The following PIP4K2B variants were observed in gnomAD, a reference collection of about 807,000 sequenced individuals.
The protein encoded by PIP4K2B is phosphatidylinositol 5-phosphate 4-kinase type-2 beta.
PIP4K2B carries 3 observed loss-of-function variants against 42.0 expected under a neutral mutation model. The observed-to-expected ratio is 0.07, with a 90% CI of 0.03 to 0.18. The LOEUF (loss-of-function observed/expected upper bound fraction) is 0.18, where lower values mean the gene tolerates loss of function less well. Ranked by LOEUF, PIP4K2B falls within the 10% of genes least tolerant of loss-of-function variation. The pLI, the probability that PIP4K2B is intolerant of heterozygous loss-of-function variation, is 1.00. For synonymous variants in PIP4K2B, 204 were observed against 210.1 expected (o/e 0.97, Z 0.25); for missense variants, 332 against 562.3 (o/e 0.59, Z 4.14).
Position 38,780,443 on chromosome 17 carries a change from T to TCCATAGCCCATA in PIP4K2B, c.507+8_507+9insTATGGGCTATGG. 6.2e-7 allele frequency: 1 copy of TCCATAGCCCATA among 1,602,932 alleles called. No homozygotes were observed. ...ATCCTCTGCAGCCCAGGCTTGGGAC[T>TCCATAGCCCATA]CACCATACCTGGTGGTATTTCTTTA... On this transcript the variant is annotated intron_variant, in intron 4 of 9. Transcript: ENST00000619039.
Position 38,799,096 on chromosome 17 carries a change from G to A in PIP4K2B, c.159+170C>T, listed in dbSNP as rs568030534. On this transcript the variant is annotated intron_variant, in intron 1 of 9. Transcript: ENST00000619039. This position sits in a 1 kb window ranked among gnomAD's most constrained non-coding sequence, Gnocchi z 4.4. ...AGACACCAGGCCTCGCGTGGCGTGC[G>A]GGGAGTGCACACGGGGCCGAAAGGC... Among the ~76,000 whole-genome samples the A allele has an allele frequency of 6.6e-6, 1 of 152,116 alleles. No individual in the cohort carries two copies. The highest frequency in any genetic ancestry group is 1.5e-5 in the Non-Finnish European group (1 of 68,016).
intron 3 of PIP4K2B, among the ~76,000 whole-genome samples, chr17:38,783,052 G>A (rs954788237): frequency 5.9e-5 from 9 of 151,728 alleles, no homozygotes; most frequent in African/African-American, 1.7e-4. Context: ...AAAATTAGCC[G>A]GGTGTGGTGG....
intron 2 of PIP4K2B, 133 bp downstream of exon 2, chr17:38,786,690 C>A: frequency 1.4e-6 from 1 of 714,058 alleles, no homozygotes; most frequent in Non-Finnish European, 2.6e-6. Flanking sequence ...TTTGTCCGCT[C>A]TGAGATCCAG....
intron 1 of PIP4K2B, among the ~76,000 whole-genome samples, chr17:38,797,466 A>C (rs1466777023): frequency 6.6e-6 from 1 of 152,192 alleles, no homozygotes; most frequent in Admixed American, 6.5e-5. Context: ...AAAGAAAACA[A>C]GACCAGCCAC....
intron 7 of PIP4K2B, among the ~76,000 whole-genome samples, chr17:38,775,693 T>A (rs1036955409): frequency 1.3e-5 from 2 of 151,742 alleles, no homozygotes; most frequent in Non-Finnish European, 1.5e-5. Flanking sequence ...CCGTCTCCAC[T>A]AAAAAAATAC....
At chr17:38,773,421 T>C (rs986628098) in intron 7 of PIP4K2B, among the ~76,000 whole-genome samples, 1 of 152,144 alleles carries the variant, frequency 6.6e-6, no homozygotes, top group Non-Finnish European at 1.5e-5. Context: ...TGCCAAGCCT[T>C]AGTTTTCTCA....
intron 1 of PIP4K2B, among the ~76,000 whole-genome samples, chr17:38,798,696 T>C (rs921667124): frequency 6.6e-6 from 1 of 152,158 alleles, no homozygotes; most frequent in Non-Finnish European, 1.5e-5. Context: ...CAAGGAAGCC[T>C]GTGCTTCTCC....
intron 7 of PIP4K2B, among the ~76,000 whole-genome samples, chr17:38,772,651 G>T (rs1034130838): frequency 2.6e-5 from 4 of 152,074 alleles, no homozygotes; most frequent in African/African-American, 9.7e-5. Flanking sequence ...GTGCAATCTC[G>T]GCTCACTGCA....
intron 6 of PIP4K2B, 65 bp downstream of exon 6, chr17:38,778,269 G>A (rs1909480809): frequency 4.7e-6 from 7 of 1,478,706 alleles, no homozygotes; most frequent in Non-Finnish European, 6.6e-6. Flanking sequence ...CGAGGGACAG[G>A]ATGGCCGACA....
intron 1 of PIP4K2B, among the ~76,000 whole-genome samples, chr17:38,795,117 A>G (rs1328260696): frequency 1.5e-4 from 22 of 150,724 alleles, no homozygotes; most frequent in African/African-American, 4.6e-4. Context: ...AAAAAAAAAA[A>G]AAAAAAAGAA....
At position 38,780,572 on chromosome 17, in the gene PIP4K2B, A is replaced by T. The variant is rs781482052; in HGVS notation, c.387T>A (p.Ser129Arg). The T allele has an allele frequency of 1.2e-6, 2 of 1,613,404 alleles. No individual in the cohort carries two copies. The highest frequency in any genetic ancestry group is 2.2e-5 in the East Asian group (1 of 44,836). The change falls in exon 4 of 10, where the codon AGT becomes AGA. Residue 129 changes from serine to arginine, a missense_variant. Ser to Arg is a moderately radical substitution (Grantham distance 110). Around this residue, in one of 6 missense-constraint regions of PIP4K2B, gnomAD observed 186 missense variants for 288.4 expected, o/e 0.64. Transcript: ENST00000619039. ...NSVTRSAPIN[S>R]DSQGRCGTRF... ...GCGTGCCACACCGACCCTGGCTGTC[A>T]CTGTTGATGGGGGCGCTGCGCGTCA...
At chr17:38,783,937 T>A (rs559214038) in intron 3 of PIP4K2B, among the ~76,000 whole-genome samples, 130 of 152,044 alleles carry the variant, frequency 8.6e-4, no homozygotes, top group African/African-American at 2.9e-3. Context: ...ATGAGAAGGG[T>A]TCTTCAGCCT....
intron 1 of PIP4K2B, among the ~76,000 whole-genome samples, chr17:38,792,317 T>C (rs566345485): frequency 6.6e-6 from 1 of 152,212 alleles, no homozygotes; most frequent in Admixed American, 6.5e-5. Flanking sequence ...CAGCTAATTT[T>C]ATTTCTAGTA....
At chr17:38,775,623 C>T (rs1293464377) in intron 7 of PIP4K2B, among the ~76,000 whole-genome samples, 6 of 151,994 alleles carry the variant, frequency 3.9e-5, no homozygotes, top group South Asian at 2.1e-4. Flanking sequence ...TCTGGGAGGC[C>T]GAGGCAGGCA....
At chr17:38,778,443 G>A in intron 5 of PIP4K2B, 71 bp from the exon 6 acceptor site, 2 of 1,391,436 alleles carry the variant, frequency 1.4e-6, no homozygotes, top group Non-Finnish European at 2.0e-6. Flanking sequence ...ACATGGGAGA[G>A]CCAGCAGGTG....
chr17:38,784,197 C>T (rs1207259591), intron 3 of PIP4K2B, 46 bp downstream of exon 3: 1 of 1,156,552 alleles, frequency 8.6e-7, no homozygotes, highest in Non-Finnish European at 1.3e-6. Context: ...GCTTCCTGAC[C>T]CCATTCCATT....
At chr17:38,776,120 A>G (rs1319497664) in intron 7 of PIP4K2B, 2 of 403,584 alleles carry the variant, frequency 5.0e-6, no homozygotes, top group Non-Finnish European at 9.8e-6. Context: ...ACAGGCGTGC[A>G]CCACCATGCC....
chr17:38,772,684 T>A (rs1011286711), intron 7 of PIP4K2B, among the ~76,000 whole-genome samples: 5 of 152,142 alleles, frequency 3.3e-5, no homozygotes, highest in Admixed American at 3.3e-4. Flanking sequence ...CAGGTTCAAG[T>A]GATTCTCCTG....
At chr17:38,770,317 A>G (rs969713375) in intron 9 of PIP4K2B, 119 bp downstream of exon 9, 10 of 687,100 alleles carry the variant, frequency 1.5e-5, no homozygotes, top group African/African-American at 1.4e-4. Flanking sequence ...TCCTGGGAAG[A>G]AGGAGACAGG....
Sources: gnomAD v4.1 joint callset for allele counts (sites outside exome capture counted in the v4.1 genomes callset) on GRCh38, gnomAD v4.1.1 for gene constraint, gnomAD v4.1.1 regional missense constraint, Gnocchi (gnomAD v3.1) non-coding constraint, MANE v1.5 for transcripts, NCBI Gene and HGNC (gene_info 2026-07-23, HGNC 2026-07-21) for gene names.